Variants in LRRC4C observed in about 807,000 individuals in gnomAD.
LRRC4C encodes leucine rich repeat containing 4C, also known as leucine-rich repeat-containing protein 4C.
A neutral mutation model predicts 33.6 loss-of-function variants in LRRC4C; 5 were observed. That is an observed-to-expected ratio of 0.15 (90% confidence interval 0.08 to 0.31). The LOEUF (loss-of-function observed/expected upper bound fraction) is 0.31. LRRC4C is among the 10% of genes least tolerant of loss of function. The pLI is 1.00. For missense variants in LRRC4C, 560 were observed against 796.7 expected, an observed-to-expected ratio of 0.70 and a Z score of 3.58; for synonymous variants, 329 against 302.0, an observed-to-expected ratio of 1.09 and a Z score of -0.93.
rs550244453 is a variant in LRRC4C, at chr11:40,973,550, A to G, written c.-495-39827T>C. ...AAGAGAATAGATGTGGAGAGGGAGA[A>G]AAGCCACTGGAGCTGGCCCAGAGAA... On this transcript the variant is annotated intron_variant, in intron 1 of 6. Coordinates refer to ENST00000528697, the MANE Select transcript of LRRC4C (RefSeq NM_001258419.2). Among the ~76,000 whole-genome samples the G allele has an allele frequency of 3.0e-4, 46 of 152,294 alleles. No homozygotes were observed. In the South Asian group the frequency reaches 3.1e-3, roughly 10 times the overall value.
At position 40,353,100 on chromosome 11, in the gene LRRC4C, A is replaced by G. The variant is rs544746345; in HGVS notation, c.-269-33379T>C. 2.0e-5 allele frequency among the ~76,000 whole-genome samples: 3 copies of G among 152,202 alleles called. No homozygotes were observed. In the South Asian group the frequency reaches 6.2e-4, roughly 32 times the overall value. On this transcript the variant is annotated intron_variant, in intron 3 of 6. Coordinates refer to ENST00000528697, the MANE Select transcript of LRRC4C (RefSeq NM_001258419.2). Reference sequence around the variant, plus strand: ...TCTTGGTGCTCTATAATGTTCTTGTACTTGAATATTAATATCTTTCTCTAG... The same window carrying G: ...TCTTGGTGCTCTATAATGTTCTTGTGCTTGAATATTAATATCTTTCTCTAG...
At chr11:40,188,745 C>T (rs1861603828) in intron 5 of LRRC4C, among the ~76,000 whole-genome samples, 1 of 152,084 alleles carries the variant, frequency 6.6e-6, no homozygotes, top group South Asian at 2.1e-4. Context: ...CATACATCTA[C>T]ATCCAATGCC....
At chr11:40,647,823 G>A (rs1942558125) in intron 3 of LRRC4C, among the ~76,000 whole-genome samples, 1 of 152,054 alleles carries the variant, frequency 6.6e-6, no homozygotes, top group Non-Finnish European at 1.5e-5. Flanking sequence ...CAACTCCTGG[G>A]GTAGCGCTCA....
chr11:40,813,999 T>C (rs754751352), intron 2 of LRRC4C, among the ~76,000 whole-genome samples: 2 of 152,164 alleles, frequency 1.3e-5, no homozygotes, highest in African/African-American at 2.4e-5. Flanking sequence ...CTGGCTGCTT[T>C]CACAGGCTAG....
At chr11:41,406,530 T>G (rs1046408091) in intron 1 of LRRC4C, among the ~76,000 whole-genome samples, 53 of 152,056 alleles carry the variant, frequency 3.5e-4, no homozygotes, top group Non-Finnish European at 2.4e-4. Flanking sequence ...CAATGTACAA[T>G]CTGAAGAATT....
intron 1 of LRRC4C, among the ~76,000 whole-genome samples, chr11:41,080,855 C>T (rs1237663478): frequency 6.6e-6 from 1 of 152,054 alleles, no homozygotes; most frequent in Admixed American, 6.6e-5. Flanking sequence ...TGTTTCATGG[C>T]CAAATTATCC....
chr11:40,582,808 C>T (rs1413310217), intron 3 of LRRC4C, among the ~76,000 whole-genome samples: 3 of 148,378 alleles, frequency 2.0e-5, no homozygotes, highest in South Asian at 2.2e-4. Context: ...TGAGCCCCCA[C>T]GCCCAGCCTG....
At chr11:40,321,466 T>C (rs1391638972) in intron 3 of LRRC4C, among the ~76,000 whole-genome samples, 1 of 152,202 alleles carries the variant, frequency 6.6e-6, no homozygotes, top group Non-Finnish European at 1.5e-5. Flanking sequence ...TTCATAACTA[T>C]GCTATAAAAA....
At chr11:40,722,266 T>C (rs1947055162) in intron 2 of LRRC4C, among the ~76,000 whole-genome samples, 1 of 152,186 alleles carries the variant, frequency 6.6e-6, no homozygotes, top group African/African-American at 2.4e-5. Flanking sequence ...GGACTTGGAA[T>C]GGGAGTCATC....
intron 4 of LRRC4C, among the ~76,000 whole-genome samples, chr11:40,271,730 G>A (rs1441998300): frequency 6.6e-6 from 1 of 152,128 alleles, no homozygotes; most frequent in Non-Finnish European, 1.5e-5. Context: ...TACCGATGTG[G>A]GTGAAGGCAC....
At chr11:41,305,925 AT>A (rs1445488241) in intron 1 of LRRC4C, among the ~76,000 whole-genome samples, 2,484 of 65,600 alleles carry the variant, frequency 0.038, 57 homozygotes, top group African/African-American at 0.061. Flanking sequence ...AAAAAAAATA[AT>A]AAAATAAAAT....
At chr11:40,675,062 T>C (rs963358608) in intron 2 of LRRC4C, among the ~76,000 whole-genome samples, 1 of 152,172 alleles carries the variant, frequency 6.6e-6, no homozygotes, top group Non-Finnish European at 1.5e-5. Flanking sequence ...AAGCAGAACT[T>C]CTATCTTGTG....
At chr11:40,694,956 A>G (rs1367392758) in intron 2 of LRRC4C, among the ~76,000 whole-genome samples, 2 of 149,386 alleles carry the variant, frequency 1.3e-5, no homozygotes, top group East Asian at 2.0e-4. Flanking sequence ...TTTTTTTTCT[A>G]TATTTATTTC....
At chr11:40,514,118 T>C (rs1035657261) in intron 3 of LRRC4C, among the ~76,000 whole-genome samples, 14 of 152,218 alleles carry the variant, frequency 9.2e-5, no homozygotes, top group Non-Finnish European at 1.8e-4. Context: ...AGCAAAACTA[T>C]GTGATCCTTA....
At chr11:41,089,251 A>G (rs1421197760) in intron 1 of LRRC4C, among the ~76,000 whole-genome samples, 1 of 152,012 alleles carries the variant, frequency 6.6e-6, no homozygotes, top group Non-Finnish European at 1.5e-5. Flanking sequence ...ATGGCATTTG[A>G]TAATTATGGA....
intron 1 of LRRC4C, among the ~76,000 whole-genome samples, chr11:40,963,140 G>A (rs1851086820): frequency 6.6e-6 from 1 of 151,608 alleles, no homozygotes; most frequent in African/African-American, 2.4e-5. Context: ...CTTTTCAAGT[G>A]CACACTATTA....
intron 1 of LRRC4C, among the ~76,000 whole-genome samples, chr11:41,395,543 A>G (rs747130555): frequency 6.6e-6 from 1 of 152,008 alleles, no homozygotes; most frequent in African/African-American, 2.4e-5. Context: ...AGTGTCTTAA[A>G]TTACAGTCAT....
chr11:40,609,117 C>G (rs1960936071), intron 3 of LRRC4C, among the ~76,000 whole-genome samples: 1 of 152,078 alleles, frequency 6.6e-6, no homozygotes, highest in South Asian at 2.1e-4. Flanking sequence ...GCAGAATACA[C>G]ATTCTTCTCA....
chr11:41,406,379 C>T (rs996470106), intron 1 of LRRC4C, among the ~76,000 whole-genome samples: 3 of 152,200 alleles, frequency 2.0e-5, no homozygotes, highest in Admixed American at 2.0e-4. Flanking sequence ...ACCTTTTTCT[C>T]TCTTGGCTTG....
Sources: allele counts gnomAD v4.1 joint callset (sites outside exome capture counted in the v4.1 genomes callset), GRCh38; gene constraint gnomAD v4.1.1; transcripts MANE v1.5; gene names NCBI Gene and HGNC (gene_info 2026-07-23, HGNC 2026-07-21).